CSMD1: variants seen among roughly 807,000 people sequenced by gnomAD.
The protein encoded by CSMD1 is CUB and sushi domain-containing protein 1.
In CSMD1, 213 loss-of-function variants were observed where a neutral mutation model predicts 417.5. That is an observed-to-expected ratio of 0.51 (90% CI 0.46 to 0.57). CSMD1 has a LOEUF of 0.57. Ranked by LOEUF, CSMD1 falls within the 20% of genes least tolerant of loss-of-function variation. CSMD1 has a pLI of 0.00. For synonymous variants in CSMD1, 2,862 were observed against 1,736.8 expected, an observed-to-expected ratio of 1.65 and a Z score of -16.11; for missense variants, 6,923 against 4,529.7, an observed-to-expected ratio of 1.53 and a Z score of -15.17.
intron 5 of CSMD1, among the ~76,000 whole-genome samples, chr8:3,853,648 C>T (rs1194287570): frequency 2.6e-5 from 4 of 151,780 alleles, no homozygotes; most frequent in African/African-American, 7.3e-5. Flanking sequence ...AATGCTCCTC[C>T]GAAGGACCAT....
chr8:4,308,771 G>C (rs982199088), intron 3 of CSMD1, among the ~76,000 whole-genome samples: 1 of 152,096 alleles, frequency 6.6e-6, no homozygotes, highest in Non-Finnish European at 1.5e-5. Flanking sequence ...GATGACTAAA[G>C]ATTATTTACA....
intron 6 of CSMD1, among the ~76,000 whole-genome samples, chr8:3,730,038 G>C (rs1365893966): frequency 2.7e-5 from 4 of 149,416 alleles, no homozygotes; most frequent in South Asian, 2.1e-4. Flanking sequence ...AGCGCTGCAA[G>C]TGTTTCCACA....
chr8:3,213,705 A>G (rs1044332803), intron 30 of CSMD1, among the ~76,000 whole-genome samples: 2 of 150,962 alleles, frequency 1.3e-5, no homozygotes, highest in African/African-American at 4.9e-5. Context: ...ATATATAAAA[A>G]TATATGTACA....
chr8:3,982,799 C>T (rs960482995), intron 5 of CSMD1, among the ~76,000 whole-genome samples: 4 of 152,150 alleles, frequency 2.6e-5, no homozygotes, highest in African/African-American at 9.7e-5. Flanking sequence ...CAAGAATCCG[C>T]TGGAGGATTC....
At chr8:3,434,716 G>A (rs1196883461) in intron 12 of CSMD1, among the ~76,000 whole-genome samples, 1 of 152,068 alleles carries the variant, frequency 6.6e-6, no homozygotes, top group African/African-American at 2.4e-5. Flanking sequence ...TTTTGCTGCT[G>A]AATAAAATCA....
In CSMD1 at chr8:4,782,144, C is replaced by T. The variant is rs555067851; in HGVS notation, c.86-144586G>A. Among the ~76,000 whole-genome samples, 4 of 152,182 alleles carry T rather than the reference C, an allele frequency of 2.6e-5. No individual in the cohort carries two copies. The South Asian group carries it at 6.2e-4, about 24-fold the overall frequency. ...GAGGAGGAAGGGGAGAGAGGTTGCT[C>T]AATGGGTACAAAGTTACAGTTAGGA... On this transcript the variant is annotated intron_variant, in intron 1 of 69. Coordinates refer to ENST00000635120, the MANE Select transcript of CSMD1 (RefSeq NM_033225.6).
chr8:4,079,252 G>A (rs1294095409), intron 3 of CSMD1, among the ~76,000 whole-genome samples: 1 of 152,166 alleles, frequency 6.6e-6, no homozygotes, highest in African/African-American at 2.4e-5. Context: ...TATAGCCCAT[G>A]GAGAATAAAG....
chr8:3,845,029 T>G (rs556421682), intron 5 of CSMD1, among the ~76,000 whole-genome samples: 29 of 152,272 alleles, frequency 1.9e-4, no homozygotes, highest in Admixed American at 6.5e-4. Context: ...ATGTATAATT[T>G]TATAACACAA....
At chr8:3,873,252 G>C (rs868095933) in intron 5 of CSMD1, among the ~76,000 whole-genome samples, 2 of 152,172 alleles carry the variant, frequency 1.3e-5, no homozygotes, top group Admixed American at 6.5e-5. Context: ...ACACATGCAG[G>C]TGTATGTTCA....
intron 7 of CSMD1, among the ~76,000 whole-genome samples, chr8:3,641,969 G>C (rs1389453042): frequency 2.0e-5 from 3 of 152,128 alleles, no homozygotes; most frequent in Non-Finnish European, 4.4e-5. Context: ...CAGATGGGGA[G>C]AGAGCAGCAA....
intron 47 of CSMD1, among the ~76,000 whole-genome samples, chr8:3,095,357 C>T (rs1585334522): frequency 6.6e-6 from 1 of 152,144 alleles, no homozygotes; most frequent in East Asian, 1.9e-4. Flanking sequence ...CAAGAGAAAC[C>T]CCATTTTTAT....
At chr8:4,753,824 T>C (rs1301640034) in intron 1 of CSMD1, among the ~76,000 whole-genome samples, 1 of 152,228 alleles carries the variant, frequency 6.6e-6, no homozygotes, top group Non-Finnish European at 1.5e-5. Context: ...TTCTTCATCC[T>C]GTTATTATTT....
intron 3 of CSMD1, among the ~76,000 whole-genome samples, chr8:4,112,244 G>C (rs914155173): frequency 5.9e-5 from 9 of 152,074 alleles, no homozygotes; most frequent in African/African-American, 2.2e-4. Context: ...ACCTCCTGAG[G>C]TTCTTAGAAG....
At chr8:4,504,451 T>C (rs2130303036) in intron 2 of CSMD1, among the ~76,000 whole-genome samples, 1 of 152,342 alleles carries the variant, frequency 6.6e-6, no homozygotes, top group Admixed American at 6.5e-5. Context: ...TACAAGTTTG[T>C]TAAGAAAGTA....
intron 2 of CSMD1, among the ~76,000 whole-genome samples, chr8:4,434,822 G>T (rs902672829): frequency 6.6e-6 from 1 of 152,076 alleles, no homozygotes; most frequent in Non-Finnish European, 1.5e-5. Context: ...CTTCACCAGG[G>T]CTCAACCATC....
Position 4,677,023 on chromosome 8 carries a change from G to C in CSMD1, c.86-39465C>G, listed in dbSNP as rs537937783. Among the ~76,000 whole-genome samples, 38 of 141,256 alleles carry C rather than the reference G, an allele frequency of 2.7e-4. 1 individual carries two copies. The East Asian group carries it at 4.4e-3, about 17-fold the overall frequency. 92.7% of individuals were successfully genotyped at this position (141,256 alleles called of 152,430 possible). On this transcript the variant is annotated intron_variant, in intron 1 of 69. Transcript: ENST00000635120. ...AAAATTTTATATAGAATTTTACATA[G>C]AATTTTATATAGAGAGAATTATATA...
chr8:3,641,758 C>T (rs984008966), intron 7 of CSMD1, among the ~76,000 whole-genome samples: 1 of 152,148 alleles, frequency 6.6e-6, no homozygotes, highest in Admixed American at 6.5e-5. Flanking sequence ...TGCTACCACT[C>T]GGTACCCAAC....
intron 6 of CSMD1, among the ~76,000 whole-genome samples, chr8:3,728,931 T>C (rs1487967608): frequency 6.6e-6 from 1 of 152,106 alleles, no homozygotes; most frequent in Non-Finnish European, 1.5e-5. Context: ...AAATCAATAA[T>C]CCCAAAATAA....
intron 49 of CSMD1, among the ~76,000 whole-genome samples, chr8:3,083,610 T>TATATATATATATATATATA (rs1563320328): frequency 6.5e-5 from 2 of 30,922 alleles, no homozygotes; most frequent in African/African-American, 1.4e-4. Flanking sequence ...ACCATAATTT[T>TATATATATATATATATATA]TATATATATA....
Sources: allele counts gnomAD v4.1 joint callset (sites outside exome capture counted in the v4.1 genomes callset), GRCh38; gene constraint gnomAD v4.1.1; transcripts MANE v1.5; gene names NCBI Gene and HGNC (gene_info 2026-07-23, HGNC 2026-07-21).